The following MYL3 variants were observed in gnomAD, a reference collection of about 807,000 sequenced individuals.
The protein encoded by MYL3 is CMLC1.
Under a neutral mutation model 21.3 loss-of-function variants are expected in MYL3, and 11 were observed. The observed-to-expected ratio is 0.52, with a 90% CI of 0.32 to 0.85. MYL3 has a LOEUF of 0.85. Ranked by LOEUF, MYL3 falls within the 40% of genes least tolerant of loss-of-function variation. The probability of loss-of-function intolerance (pLI) is 0.03; values close to 1 mark genes in which losing one functional copy is unlikely to be tolerated. For missense variants in MYL3, 206 were observed against 253.3 expected, an observed-to-expected ratio of 0.81 and a Z score of 1.27; for synonymous variants, 88 against 91.6, an observed-to-expected ratio of 0.96 and a Z score of 0.22.
rs368364468 is a variant in MYL3, at chr3:46,860,737, C to A, written c.246G>T (p.Ala82=). The A allele has an allele frequency of 1.9e-6, 3 of 1,614,128 alleles. No homozygotes were observed. Among genetic ancestry groups the A allele is most frequent in the South Asian group, 2.2e-5 (2 of 91,084 alleles). ...CTGCCTGTGTGGGGTTCTGGCCCAG[C>A]GCCCGCAGGACATCCCCACACTGCC... The part of the protein sequence containing the change: ...TYGQCGDVLR[A]LGQNPTQAEV... The change falls in exon 3 of 7, where the codon GCG becomes GCT. Residue 82 remains alanine (A), a synonymous_variant. Coordinates refer to ENST00000292327, the MANE Select transcript of MYL3 (RefSeq NM_000258.3). The surrounding 1 kb of genome is among the most constrained non-coding windows in gnomAD (Gnocchi z 4.6).
At chr3:46,870,496 C>G (rs1057426730) in intron 1 of MYL3, among the ~76,000 whole-genome samples, 1 of 152,072 alleles carries the variant, frequency 6.6e-6, no homozygotes, top group African/African-American at 2.4e-5. Context: ...ACACCCAGGG[C>G]TCTCCCCACT....
In MYL3 at chr3:46,859,690, G is replaced by A. The variant is rs776192736; in HGVS notation, c.308-42C>T. The A allele has an allele frequency of 1.2e-5, 20 of 1,610,474 alleles. No homozygotes were observed. The highest frequency in any genetic ancestry group is 1.1e-4 in the East Asian group (5 of 44,856). On this transcript the variant is annotated intron_variant, in intron 3 of 6. Coordinates refer to ENST00000292327, the MANE Select transcript of MYL3 (RefSeq NM_000258.3). This position sits in a 1 kb window ranked among gnomAD's most constrained non-coding sequence, Gnocchi z 4.1. ...CCAGGTTCCAGGGTCTAAGGCTGGG[G>A]TGGGCACACCCCTCCCCCATGCCTG...
chr3:46,881,668 G>C (rs967925509), intron 1 of MYL3, among the ~76,000 whole-genome samples: 2 of 151,936 alleles, frequency 1.3e-5, no homozygotes, highest in Non-Finnish European at 2.9e-5. Flanking sequence ...GCCTAGGGCC[G>C]AGAGGAACGA....
Position 46,861,087 on chromosome 3 carries a change from G to T in MYL3, c.130-100C>A. ...CCAGCCCAGAATGTCAACTGTCTCA[G>T]CCTGTCCCATTCCAGCATCCCAGCC... On this transcript the variant is annotated intron_variant, in intron 1 of 6. Coordinates refer to ENST00000292327, the MANE Select transcript of MYL3 (RefSeq NM_000258.3). This position sits in a 1 kb window ranked among gnomAD's most constrained non-coding sequence, Gnocchi z 4.2. The T allele has an allele frequency of 2.9e-6, 4 of 1,392,504 alleles. No individual in the cohort carries two copies. Among genetic ancestry groups the T allele is most frequent in the Non-Finnish European group, 4.1e-6 (4 of 984,284 alleles). 86.3% of individuals were successfully genotyped at this position (1,392,504 alleles called of 1,614,324 possible).
Position 46,859,483 on chromosome 3 carries a change from GCC to G in MYL3, c.471_472del (p.Ala158HisfsTer4). On this transcript the variant is annotated frameshift_variant, in exon 4 of 7. Transcript: ENST00000292327. LOFTEE classifies it high-confidence loss of function. This position sits in a 1 kb window ranked among gnomAD's most constrained non-coding sequence, Gnocchi z 4.1. ...GAGGAGGCTGCCCTCACCCAGCGTG[GCC>G]AGCACGTGGCGAAGCTCAGCACCCA... is the stretch of plus-strand genomic sequence containing the variant. The G allele has an allele frequency of 6.2e-7, 1 of 1,614,178 alleles. No individual in the cohort carries two copies. Among genetic ancestry groups the G allele is most frequent in the Non-Finnish European group, 8.5e-7 (1 of 1,180,018 alleles).
chr3:46,873,397 G>C (rs988104030), intron 1 of MYL3, among the ~76,000 whole-genome samples: 1 of 152,244 alleles, frequency 6.6e-6, no homozygotes, highest in African/African-American at 2.4e-5. Context: ...GGTGCAGGCA[G>C]GGGCCACGGA....
chr3:46,862,719 CCCAG>C (rs1448410281), intron 1 of MYL3, among the ~76,000 whole-genome samples: 1 of 152,180 alleles, frequency 6.6e-6, no homozygotes, highest in Non-Finnish European at 1.5e-5. Context: ...TCAGAATGTC[CCCAG>C]CCAGCTGATG....
intron 1 of MYL3, among the ~76,000 whole-genome samples, chr3:46,868,592 T>C (rs957340692): frequency 1.3e-5 from 2 of 152,180 alleles, no homozygotes; most frequent in African/African-American, 4.8e-5. Context: ...TGTGGTGTCC[T>C]GGCCGGCTGT....
At chr3:46,877,157 G>A (rs1186698709) in intron 1 of MYL3, among the ~76,000 whole-genome samples, 2 of 152,156 alleles carry the variant, frequency 1.3e-5, no homozygotes, top group African/African-American at 4.8e-5. Context: ...AGGTGGCTGT[G>A]GGGCTGTAGG....
intron 1 of MYL3, among the ~76,000 whole-genome samples, chr3:46,881,777 G>A (rs867654297): frequency 2.6e-5 from 4 of 152,032 alleles, no homozygotes; most frequent in Non-Finnish European, 4.4e-5. Flanking sequence ...GCTGGCAGCC[G>A]AGCGGCCTCC....
In MYL3 at chr3:46,860,991, A is replaced by T; in HGVS notation, c.130-4T>A. On this transcript the variant is annotated splice_region_variant and splice_polypyrimidine_tract_variant and intron_variant, in intron 1 of 6. Coordinates refer to ENST00000292327, the MANE Select transcript of MYL3 (RefSeq NM_000258.3). This position sits in a 1 kb window ranked among gnomAD's most constrained non-coding sequence, Gnocchi z 4.6. The stretch of plus-strand genomic sequence containing the variant: ...TCTGCTCAGGTGTGAACTCAATCTG[A>T]AAAGAGACCCCAAAGACTCAGATGC... The T allele has an allele frequency of 6.2e-7, 1 of 1,613,884 alleles. No individual in the cohort carries two copies. The highest frequency in any genetic ancestry group is 8.5e-7 in the Non-Finnish European group (1 of 1,179,946).
In MYL3 at chr3:46,861,297, C is replaced by T. The variant is rs567293216; in HGVS notation, c.130-310G>A. 6.6e-6 allele frequency among the ~76,000 whole-genome samples: 1 copy of T among 152,342 alleles called. No homozygotes were observed. Among genetic ancestry groups the T allele is most frequent in the African/African-American group, 2.4e-5 (1 of 41,584 alleles). On this transcript the variant is annotated intron_variant, in intron 1 of 6. Coordinates refer to ENST00000292327, the MANE Select transcript of MYL3 (RefSeq NM_000258.3). This position sits in a 1 kb window ranked among gnomAD's most constrained non-coding sequence, Gnocchi z 4.2. Reference sequence around the variant, plus strand: ...AGGCCTCAGGCCAGCGTGGGCCTTACCTGATGCTCCCGGTTCTGGACAGAT... The same window carrying T: ...AGGCCTCAGGCCAGCGTGGGCCTTATCTGATGCTCCCGGTTCTGGACAGAT...
In MYL3 at chr3:46,860,916, C is replaced by T; in HGVS notation, c.157+44G>A. 6.2e-7 allele frequency: 1 copy of T among 1,614,104 alleles called. No homozygotes were observed. Among genetic ancestry groups the T allele is most frequent in the East Asian group, 2.2e-5 (1 of 44,880 alleles). ...TGGCAGGACCCTCAGACCAGGGAAC[C>T]CCAGCCCAATCCTGCAACCCCTGGG... On this transcript the variant is annotated intron_variant, in intron 2 of 6. Coordinates refer to ENST00000292327, the MANE Select transcript of MYL3 (RefSeq NM_000258.3). The surrounding 1 kb of genome is among the most constrained non-coding windows in gnomAD (Gnocchi z 4.6).
chr3:46,878,407 G>A (rs1426495227), intron 1 of MYL3, among the ~76,000 whole-genome samples: 1 of 152,232 alleles, frequency 6.6e-6, no homozygotes, highest in Non-Finnish European at 1.5e-5. Context: ...CCTGGGGTCA[G>A]AGTTCAGCCA....
intron 1 of MYL3, among the ~76,000 whole-genome samples, chr3:46,877,335 A>T (rs1184237086): frequency 2.0e-5 from 3 of 152,160 alleles, no homozygotes; most frequent in African/African-American, 7.2e-5. Context: ...TGGGTGCCTT[A>T]AACTTGAGTG....
At chr3:46,869,545 G>A (rs1290642574) in intron 1 of MYL3, among the ~76,000 whole-genome samples, 4 of 152,250 alleles carry the variant, frequency 2.6e-5, no homozygotes. Flanking sequence ...GAACATGTGT[G>A]ACTGGACGGG....
chr3:46,876,645 C>T (rs1272311843), intron 1 of MYL3, among the ~76,000 whole-genome samples: 1 of 152,180 alleles, frequency 6.6e-6, no homozygotes, highest in African/African-American at 2.4e-5. Context: ...TGGTACCCTC[C>T]CCAGGAGCCT....
At chr3:46,870,596 G>A (rs899319342) in intron 1 of MYL3, among the ~76,000 whole-genome samples, 1 of 151,754 alleles carries the variant, frequency 6.6e-6, no homozygotes, top group South Asian at 2.1e-4. Flanking sequence ...CAATAAAAAT[G>A]GCCCAAGCTC....
rs1325828846 is a variant in MYL3 at position 46,863,337 on chromosome 3, C to G, written c.54G>C (p.Lys18Asn). The G allele has an allele frequency of 1.9e-6, 3 of 1,613,962 alleles. No homozygotes were observed. The East Asian group carries it at 6.7e-5, about 36-fold the overall frequency. ...GGGGAGGTGCGGGAGCTGGAGCTGC[C>G]TTGGGGGCTGCCTTGGCATCATCCT... ...PKKDDAKAAP[K>N]AAPAPAPPPE... Residue 18 changes from lysine (K) to asparagine (N), a missense_variant, in exon 1 of 7, where the codon AAG (lysine) becomes AAC (asparagine). Physicochemically the swap from Lys to Asn is moderately conservative, Grantham distance 94. Coordinates refer to ENST00000292327, the MANE Select transcript of MYL3 (RefSeq NM_000258.3).
Sources: allele counts gnomAD v4.1 joint callset (sites outside exome capture counted in the v4.1 genomes callset), GRCh38; gene constraint gnomAD v4.1.1; non-coding constraint Gnocchi (gnomAD v3.1); transcripts MANE v1.5; gene names NCBI Gene and HGNC (gene_info 2026-07-23, HGNC 2026-07-21).